Variants in RORA observed in about 807,000 individuals in gnomAD.
RORA encodes RAR related orphan receptor A, also known as nuclear receptor ROR-alpha.
A neutral mutation model predicts 69.5 loss-of-function variants in RORA; 7 were observed. The ratio of observed to expected loss-of-function variants is 0.10; its 90% confidence interval spans 0.06 to 0.19. The LOEUF (loss-of-function observed/expected upper bound fraction) is 0.19, where lower values mean the gene tolerates loss of function less well. Among genes scored for constraint, RORA ranks in the 10% least tolerant of loss-of-function variants. The pLI, the probability that RORA is intolerant of heterozygous loss-of-function variation, is 1.00. For synonymous variants in RORA, 261 were observed against 240.8 expected (o/e 1.08, Z -0.78); for missense variants, 457 against 663.0 (o/e 0.69, Z 3.41).
At chr15:61,141,808 AG>A (rs1287179593) in intron 1 of RORA, among the ~76,000 whole-genome samples, 1 of 152,214 alleles carries the variant, frequency 6.6e-6, no homozygotes, top group African/African-American at 2.4e-5. Flanking sequence ...AAATACAAAC[AG>A]GTCGACTGCA....
At chr15:60,635,882 C>T (rs551919101) in intron 2 of RORA, among the ~76,000 whole-genome samples, 1 of 152,232 alleles carries the variant, frequency 6.6e-6, no homozygotes, top group East Asian at 1.9e-4. Context: ...CTATCCTCTG[C>T]CCAAATCAAC....
chr15:61,051,294 T>C (rs533382617), intron 1 of RORA, among the ~76,000 whole-genome samples: 1 of 152,134 alleles, frequency 6.6e-6, no homozygotes, highest in East Asian at 1.9e-4. Context: ...CAGCAGAAAG[T>C]AGGGGCTGGC....
chr15:60,984,208 C>T (rs1179038194), intron 1 of RORA, among the ~76,000 whole-genome samples: 9 of 152,044 alleles, frequency 5.9e-5, no homozygotes, highest in Admixed American at 5.9e-4. Context: ...TGATAATTAA[C>T]AAGATGCTTT....
intron 2 of RORA, among the ~76,000 whole-genome samples, chr15:60,576,864 T>C (rs1272694413): frequency 6.6e-6 from 1 of 152,202 alleles, no homozygotes; most frequent in African/African-American, 2.4e-5. Flanking sequence ...GGAGCTGGGA[T>C]AGCTCTGGAA....
rs184762593 is a variant in RORA at position 60,726,739 on chromosome 15, G to A, written c.167-48053C>T. ...GACTAAACCAGACTTCAGGCAAGCAGGGGGTTAATAGCTCATAAAATAAAA... is the reference window on the plus strand; with the variant it reads ...GACTAAACCAGACTTCAGGCAAGCAAGGGGTTAATAGCTCATAAAATAAAA... On this transcript the variant is annotated intron_variant, in intron 1 of 10. Coordinates refer to ENST00000335670, the MANE Select transcript of RORA (RefSeq NM_134261.3). 4.5e-3 allele frequency among the ~76,000 whole-genome samples: 686 copies of A among 152,284 alleles called. 5 individuals are homozygous for A. The highest frequency in any genetic ancestry group is 0.016 in the African/African-American group (659 of 41,544).
At chr15:60,676,561 A>G (rs1003811501) in intron 2 of RORA, among the ~76,000 whole-genome samples, 1 of 152,222 alleles carries the variant, frequency 6.6e-6, no homozygotes, top group Admixed American at 6.5e-5. Flanking sequence ...GTCTTTCTAC[A>G]TTGACTTCAA....
intron 1 of RORA, among the ~76,000 whole-genome samples, chr15:60,958,194 G>T (rs1471952692): frequency 6.6e-6 from 1 of 152,172 alleles, no homozygotes; most frequent in Non-Finnish European, 1.5e-5. Context: ...TTTTCCTAAA[G>T]TGGTGATGGC....
intron 1 of RORA, among the ~76,000 whole-genome samples, chr15:61,111,664 T>A (rs977443846): frequency 6.6e-6 from 1 of 152,202 alleles, no homozygotes; most frequent in African/African-American, 2.4e-5. Flanking sequence ...ATGCCCTTAT[T>A]TTTGTGAAAG....
At chr15:60,800,960 G>A (rs945607056) in intron 1 of RORA, among the ~76,000 whole-genome samples, 3 of 152,230 alleles carry the variant, frequency 2.0e-5, no homozygotes. Flanking sequence ...AATACTTTCT[G>A]CAGTGCTTGG....
intron 1 of RORA, among the ~76,000 whole-genome samples, chr15:60,953,672 C>G (rs1893176459): frequency 6.7e-6 from 1 of 148,880 alleles, no homozygotes; most frequent in Admixed American, 6.7e-5. Context: ...ATTTATGCAG[C>G]CAAAAAACAC....
chr15:60,951,916 G>C (rs1471303788), intron 1 of RORA, among the ~76,000 whole-genome samples: 11 of 150,496 alleles, frequency 7.3e-5, no homozygotes, highest in Admixed American at 7.3e-4. Context: ...TAGAAAAAGA[G>C]GGAATCCTCC....
chr15:60,572,876 A>C (rs867967808), intron 2 of RORA, among the ~76,000 whole-genome samples: 1 of 152,242 alleles, frequency 6.6e-6, no homozygotes, highest in African/African-American at 2.4e-5. Context: ...AACATGTACT[A>C]AATTACCAAG....
chr15:60,694,105 T>C (rs1468510007), intron 1 of RORA, among the ~76,000 whole-genome samples: 1 of 152,142 alleles, frequency 6.6e-6, no homozygotes, highest in Non-Finnish European at 1.5e-5. Context: ...TACTTTCTGA[T>C]TTCCTCATCT....
intron 1 of RORA, among the ~76,000 whole-genome samples, chr15:61,066,044 T>C (rs2078252972): frequency 6.6e-6 from 1 of 152,230 alleles, no homozygotes; most frequent in African/African-American, 2.4e-5. Context: ...CTTTTACTTA[T>C]GTCTATTTGT....
intron 1 of RORA, among the ~76,000 whole-genome samples, chr15:60,971,361 C>T (rs1273497167): frequency 6.6e-6 from 1 of 152,176 alleles, no homozygotes; most frequent in African/African-American, 2.4e-5. Flanking sequence ...TGGGTCCTTG[C>T]TGGTGTCTCC....
chr15:60,578,741 C>T (rs1453706548), intron 2 of RORA, among the ~76,000 whole-genome samples: 1 of 151,124 alleles, frequency 6.6e-6, no homozygotes, highest in Non-Finnish European at 1.5e-5. Context: ...TTTTCTGCTT[C>T]ATCAAGCACA....
intron 1 of RORA, among the ~76,000 whole-genome samples, chr15:61,057,664 T>C (rs531358183): frequency 6.6e-6 from 1 of 152,174 alleles, no homozygotes; most frequent in African/African-American, 2.4e-5. Context: ...TGTTTCTTTG[T>C]CTCTTTCGTT....
intron 1 of RORA, among the ~76,000 whole-genome samples, chr15:61,123,007 C>T (rs919586278): frequency 6.6e-6 from 1 of 152,124 alleles, no homozygotes; most frequent in African/African-American, 2.4e-5. Context: ...GTACATTTTT[C>T]CTCATAAGAA....
At chr15:60,594,374 A>T (rs1336086016) in intron 2 of RORA, among the ~76,000 whole-genome samples, 1 of 152,232 alleles carries the variant, frequency 6.6e-6, no homozygotes, top group Admixed American at 6.5e-5. Flanking sequence ...AAGCTATCCT[A>T]TAAGCAGGTC....
Sources: allele counts gnomAD v4.1 joint callset (sites outside exome capture counted in the v4.1 genomes callset), GRCh38; gene constraint gnomAD v4.1.1; transcripts MANE v1.5; gene names NCBI Gene and HGNC (gene_info 2026-07-23, HGNC 2026-07-21).